BBOX1: variants seen among roughly 807,000 people sequenced by gnomAD.
BBOX1 encodes the protein gamma-butyrobetaine dioxygenase.
In BBOX1, 35 loss-of-function variants were observed where a neutral mutation model predicts 41.6. The ratio of observed to expected loss-of-function variants is 0.84; its 90% CI spans 0.64 to 1.11. The LOEUF is 1.11. BBOX1 is among the 50% of genes most tolerant of loss of function. BBOX1 has a pLI of 0.00. For missense variants in BBOX1, 458 were observed against 460.6 expected (o/e 0.99, Z 0.05); for synonymous variants, 163 against 154.7 (o/e 1.05, Z -0.40).
At chr11:27,077,483 G>C (rs1367410856) in intron 4 of BBOX1, among the ~76,000 whole-genome samples, 1 of 152,026 alleles carries the variant, frequency 6.6e-6, no homozygotes, top group African/African-American at 2.4e-5. Context: ...CAAAGGGCCT[G>C]TGGTTTCTTT....
chr11:27,080,550 C>G (rs555653716), intron 4 of BBOX1, among the ~76,000 whole-genome samples: 2 of 152,110 alleles, frequency 1.3e-5, no homozygotes, highest in East Asian at 3.9e-4. Flanking sequence ...AGAGAAAAAT[C>G]CTGCCCCTTA....
At chr11:27,108,592 C>T (rs1055813807) in intron 5 of BBOX1, among the ~76,000 whole-genome samples, 2 of 152,020 alleles carry the variant, frequency 1.3e-5, no homozygotes, top group Non-Finnish European at 1.5e-5. Flanking sequence ...TGGCAACTCT[C>T]ACTGCAATAT....
chr11:27,119,965 T>C (rs1324450296), intron 7 of BBOX1, 120 bp downstream of exon 7: 8 of 575,734 alleles, frequency 1.4e-5, no homozygotes, highest in Non-Finnish European at 1.9e-5. Flanking sequence ...TTTATTAACA[T>C]TTCACCCAAT....
At chr11:27,088,707 T>C (rs1374036072) in intron 4 of BBOX1, among the ~76,000 whole-genome samples, 1 of 152,018 alleles carries the variant, frequency 6.6e-6, no homozygotes, top group Non-Finnish European at 1.5e-5. Flanking sequence ...AAGTGTTTAT[T>C]TTATATGCAG....
intron 5 of BBOX1, among the ~76,000 whole-genome samples, chr11:27,114,865 A>G (rs753437437): frequency 2.6e-5 from 4 of 151,942 alleles, no homozygotes; most frequent in Admixed American, 2.0e-4. Flanking sequence ...ATAACATTAA[A>G]AGCATGAGCT....
At position 27,057,063 on chromosome 11, in the gene BBOX1, T is replaced by TAAAAAAAAAAAAAAAAAAAA. The variant is rs1459422645; in HGVS notation, c.220-138_220-137insAAAAAAAAAAAAAAAAAAAA. On this transcript the variant is annotated intron_variant, in intron 3 of 8. Transcript: ENST00000263182. Reference sequence around the variant, plus strand: ...CCTGGCAACAGAGGAAGACTCCGACTTAAAAAAAAAAAAAAAAAAAAATTA... The same window carrying TAAAAAAAAAAAAAAAAAAAA: ...CCTGGCAACAGAGGAAGACTCCGACTAAAAAAAAAAAAAAAAAAAATAAAAAAAAAAAAAAAAAAAAATTA... 1,259 of 149,122 alleles carry TAAAAAAAAAAAAAAAAAAAA rather than the reference T, an allele frequency of 8.4e-3. 433 individuals are homozygous for TAAAAAAAAAAAAAAAAAAAA. The highest frequency in any genetic ancestry group is 0.016 in the Admixed American group (84 of 5,266). 9.2% of individuals were successfully genotyped at this position (149,122 alleles called of 1,614,324 possible). A position where few individuals can be genotyped will look rare whatever the true frequency, so the allele number is the denominator to read the frequency against.
chr11:27,063,830 C>T (rs1400332881), intron 4 of BBOX1, among the ~76,000 whole-genome samples: 1 of 150,920 alleles, frequency 6.6e-6, no homozygotes, highest in Non-Finnish European at 1.5e-5. Context: ...CTGTTAGGAC[C>T]CTCTAAAATC....
intron 2 of BBOX1, among the ~76,000 whole-genome samples, chr11:27,052,023 T>C (rs1564952539): frequency 6.6e-6 from 1 of 152,118 alleles, no homozygotes; most frequent in Non-Finnish European, 1.5e-5. Context: ...TTAATTTCTC[T>C]TTTGATTTTT....
At chr11:27,044,432 G>C (rs1046123653) in intron 2 of BBOX1, among the ~76,000 whole-genome samples, 8 of 152,100 alleles carry the variant, frequency 5.3e-5, no homozygotes, top group African/African-American at 7.2e-5. Flanking sequence ...AAGCTCTTTA[G>C]TTTAATTAGA....
intron 2 of BBOX1, among the ~76,000 whole-genome samples, chr11:27,042,277 T>C (rs1851365739): frequency 1.3e-5 from 2 of 152,206 alleles, no homozygotes; most frequent in South Asian, 4.1e-4. Flanking sequence ...TTGCATGAAA[T>C]TTAATGCCTT....
chr11:27,091,474 A>C (rs1306968632), intron 4 of BBOX1, among the ~76,000 whole-genome samples: 1 of 151,916 alleles, frequency 6.6e-6, no homozygotes, highest in Non-Finnish European at 1.5e-5. Context: ...CAAAATGTAT[A>C]ATCATCCTGA....
At chr11:27,044,275 A>G (rs577680608) in intron 2 of BBOX1, among the ~76,000 whole-genome samples, 1 of 151,634 alleles carries the variant, frequency 6.6e-6, no homozygotes, top group Non-Finnish European at 1.5e-5. Flanking sequence ...TCTTTTGCCC[A>G]TTTTTGATGG....
At chr11:27,073,968 C>T (rs1169496788) in intron 4 of BBOX1, among the ~76,000 whole-genome samples, 3 of 151,826 alleles carry the variant, frequency 2.0e-5, no homozygotes, top group Non-Finnish European at 2.9e-5. Context: ...ATGTAAATGA[C>T]GAGTTAATGG....
chr11:27,085,926 A>G (rs1858023860), intron 4 of BBOX1, among the ~76,000 whole-genome samples: 1 of 152,162 alleles, frequency 6.6e-6, no homozygotes, highest in African/African-American at 2.4e-5. Flanking sequence ...GGGTCTGAAT[A>G]GAAGATCAAA....
chr11:27,117,095 G>A (rs898620875), intron 6 of BBOX1, among the ~76,000 whole-genome samples: 20 of 151,944 alleles, frequency 1.3e-4, no homozygotes, highest in Admixed American at 3.9e-4. Context: ...AAAATAAGTG[G>A]TTAGGAAACT....
chr11:27,049,326 A>C (rs1201854857), intron 2 of BBOX1, among the ~76,000 whole-genome samples: 2 of 152,082 alleles, frequency 1.3e-5, no homozygotes, highest in Non-Finnish European at 2.9e-5. Context: ...CCTGATGATA[A>C]TTGATAGCAT....
intron 6 of BBOX1, 32 bp from the exon 7 acceptor site, chr11:27,119,617 T>C: frequency 8.6e-7 from 1 of 1,168,000 alleles, no homozygotes; most frequent in Admixed American, 3.2e-5. Flanking sequence ...TAATTTAATA[T>C]TTATTTAATA....
chr11:27,100,556 T>G (rs1378561106), intron 5 of BBOX1, among the ~76,000 whole-genome samples: 1 of 152,110 alleles, frequency 6.6e-6, no homozygotes, highest in East Asian at 1.9e-4. Flanking sequence ...CTTTAAAATG[T>G]GTATTCTAGT....
At position 27,093,228 on chromosome 11, in the gene BBOX1, G is replaced by A. The variant is rs1858314315; in HGVS notation, c.395G>A (p.Arg132Lys). ...ACTTTGGATTTTGAAGATGTTTTAAGATATGATGAACACGCATACAAGTGG... is the reference window on the plus strand; with the variant it reads ...ACTTTGGATTTTGAAGATGTTTTAAAATATGATGAACACGCATACAAGTGG... ...LPTLDFEDVL[R>K]YDEHAYKWLS... The change falls in exon 5 of 9, where the codon AGA (arginine) becomes AAA (lysine). Residue 132 changes from arginine to lysine, a missense_variant. By Grantham distance (26) the Arg-to-Lys change is conservative (BLOSUM62 2). Transcript: ENST00000263182. 6.2e-7 allele frequency: 1 copy of A among 1,612,326 alleles called. No individual in the cohort carries two copies. The highest frequency in any genetic ancestry group is 1.7e-5 in the Admixed American group (1 of 59,798).
Sources: allele counts gnomAD v4.1 joint callset (sites outside exome capture counted in the v4.1 genomes callset), GRCh38; gene constraint gnomAD v4.1.1; transcripts MANE v1.5; gene names NCBI Gene and HGNC (gene_info 2026-07-23, HGNC 2026-07-21).